Variants in SLC12A1 observed in about 807,000 individuals in gnomAD.
The protein encoded by SLC12A1 is solute carrier family 12 member 1, also known as Na-K-2Cl cotransporter.
In SLC12A1, 89 loss-of-function variants were observed where a neutral mutation model predicts 130.4. The observed-to-expected ratio is 0.68, with a 90% CI of 0.58 to 0.81. The LOEUF is 0.81. Among genes scored for constraint, SLC12A1 ranks in the 40% least tolerant of loss-of-function variants. The probability of loss-of-function intolerance (pLI) is 0.00; values close to 1 mark genes in which losing one functional copy is unlikely to be tolerated. For missense variants in SLC12A1, 1,310 were observed against 1,336.4 expected (o/e 0.98, Z 0.31); for synonymous variants, 499 against 460.0 (o/e 1.08, Z -1.09).
At chr15:48,224,476 C>T (rs1020116741) in intron 4 of SLC12A1, 7 of 152,106 alleles carry the variant, frequency 4.6e-5, no homozygotes, top group African/African-American at 1.7e-4. Context: ...AACAACAGAA[C>T]AATTAAATCG....
chr15:48,262,425 T>G (rs1273578456), intron 17 of SLC12A1, among the ~76,000 whole-genome samples: 1 of 152,218 alleles, frequency 6.6e-6, no homozygotes, highest in Admixed American at 6.5e-5. Flanking sequence ...TTATTTGATT[T>G]GAAATTAATT....
chr15:48,247,258 ATCT>A, intron 12 of SLC12A1, 76 bp from the exon 13 acceptor site: 1 of 1,444,534 alleles, frequency 6.9e-7, no homozygotes, highest in Non-Finnish European at 9.4e-7. Flanking sequence ...CTTTCCCCAA[ATCT>A]TCTTGTTTGA....
intron 25 of SLC12A1, among the ~76,000 whole-genome samples, chr15:48,300,332 A>G (rs1376377634): frequency 6.6e-6 from 1 of 152,056 alleles, no homozygotes; most frequent in Non-Finnish European, 1.5e-5. Flanking sequence ...TTTAAAAAAA[A>G]AAAAAAGAGA....
intron 5 of SLC12A1, chr15:48,226,878 A>G (rs1214093929): frequency 3.4e-6 from 2 of 594,286 alleles, no homozygotes; most frequent in African/African-American, 3.7e-5. Context: ...TTGGAAACTG[A>G]TTCCAGATTT....
At chr15:48,271,927 G>A (rs1464766642) in intron 19 of SLC12A1, among the ~76,000 whole-genome samples, 1 of 152,022 alleles carries the variant, frequency 6.6e-6, no homozygotes, top group Non-Finnish European at 1.5e-5. Context: ...GGAACAAAAG[G>A]GATGGAGGAG....
chr15:48,243,206 TG>T (rs1344378753), intron 10 of SLC12A1, among the ~76,000 whole-genome samples: 2 of 152,058 alleles, frequency 1.3e-5, no homozygotes, highest in Admixed American at 1.3e-4. Flanking sequence ...TCAACATAAA[TG>T]AACAATGCAA....
In SLC12A1 at chr15:48,207,783, C is replaced by T. The variant is rs2140999192; in HGVS notation, c.64C>T (p.Gln22Ter). ...DSVPSNTNRF[Q>*]VSVINENHES... ...AGTGCCCAGTAATACCAATCGCTTT[C>T]AAGTTAGTGTCATAAATGAGAACCA... is the stretch of plus-strand genomic sequence containing the variant. Residue 22 changes from glutamine to a stop codon, truncating the protein, a stop_gained, in exon 2 of 27, where the codon CAA (glutamine) becomes TAA (stop). Coordinates refer to ENST00000380993, the MANE Select transcript of SLC12A1 (RefSeq NM_000338.3). LOFTEE classifies it high-confidence loss of function. 6.2e-7 allele frequency: 1 copy of T among 1,613,056 alleles called. No individual in the cohort carries two copies. Among genetic ancestry groups the T allele is most frequent in the African/African-American group, 1.3e-5 (1 of 75,004 alleles).
chr15:48,276,228 T>C (rs2041951889), intron 20 of SLC12A1, among the ~76,000 whole-genome samples: 2 of 152,058 alleles, frequency 1.3e-5, no homozygotes, highest in African/African-American at 2.4e-5. Flanking sequence ...TCAAACAATC[T>C]CCTCTGGGAA....
At chr15:48,244,992 T>A in intron 11 of SLC12A1, 88 bp downstream of exon 11, 1 of 1,212,810 alleles carries the variant, frequency 8.2e-7, no homozygotes, top group Non-Finnish European at 1.2e-6. Context: ...CTGCAACTGA[T>A]TGATTATTGG....
At chr15:48,282,743 C>A (rs1419315796) in intron 20 of SLC12A1, among the ~76,000 whole-genome samples, 1 of 152,070 alleles carries the variant, frequency 6.6e-6, no homozygotes, top group African/African-American at 2.4e-5. Flanking sequence ...GATGGGCCAT[C>A]ATTTTGGGGG....
chr15:48,236,092 AAC>A (rs56371843), intron 9 of SLC12A1, among the ~76,000 whole-genome samples: 11,224 of 145,766 alleles, frequency 0.077, 973 homozygotes, highest in East Asian at 0.31. Context: ...AGCCATTTCT[AAC>A]ACACACACAC....
At chr15:48,271,336 A>G (rs556885030) in intron 19 of SLC12A1, among the ~76,000 whole-genome samples, 43 of 152,308 alleles carry the variant, frequency 2.8e-4, no homozygotes, top group African/African-American at 9.9e-4. Flanking sequence ...CTGGAAATGG[A>G]AGGTTTCCTG....
Position 48,229,207 on chromosome 15 carries a change from T to C in SLC12A1, c.743T>C (p.Ile248Thr). 6.3e-7 allele frequency: 1 copy of C among 1,589,070 alleles called. No individual in the cohort carries two copies. Among genetic ancestry groups the C allele is most frequent in the Non-Finnish European group, 8.6e-7 (1 of 1,166,658 alleles). Reference protein sequence around the residue: ...FVRGGGAYYLISRSLGPEFGG... With the variant: ...FVRGGGAYYLTSRSLGPEFGG... Reference sequence around the variant, plus strand: ...GTTTCAGGTGGGGCCTACTATCTTATTTCCAGAAGTTTAGGGCCCGAGTTC... The same window carrying C: ...GTTTCAGGTGGGGCCTACTATCTTACTTCCAGAAGTTTAGGGCCCGAGTTC... Residue 248 changes from isoleucine (I) to threonine (T), a missense_variant, in exon 6 of 27, where the codon ATT (isoleucine) becomes ACT (threonine). Transcript: ENST00000380993.
intron 9 of SLC12A1, among the ~76,000 whole-genome samples, chr15:48,238,701 C>T (rs1038762562): frequency 2.6e-5 from 4 of 151,982 alleles, no homozygotes; most frequent in Non-Finnish European, 4.4e-5. Flanking sequence ...ATAATGGATT[C>T]GGTCAGTTTA....
At chr15:48,268,015 T>C (rs2141088158) in intron 18 of SLC12A1, among the ~76,000 whole-genome samples, 1 of 152,308 alleles carries the variant, frequency 6.6e-6, no homozygotes, top group African/African-American at 2.4e-5. Flanking sequence ...AGGATCCTAT[T>C]GAAACTTCAA....
chr15:48,302,973 T>G lies in SLC12A1; in HGVS notation c.*88T>G. ...TACTTTATGTTGTAAATCTGATCTATGGATATGCAAACCTCTGGAGAGGAT... is the reference window on the plus strand; with the variant it reads ...TACTTTATGTTGTAAATCTGATCTAGGGATATGCAAACCTCTGGAGAGGAT... On this transcript the variant is annotated 3_prime_UTR_variant, in exon 27 of 27. Transcript: ENST00000380993. 1 of 1,031,270 alleles carries G rather than the reference T, an allele frequency of 9.7e-7. No homozygotes were observed. The highest frequency in any genetic ancestry group is 1.4e-6 in the Non-Finnish European group (1 of 705,750). The allele number at this position is 1,031,270 out of a possible 1,614,324, so 63.9% of individuals were successfully genotyped here. A position where few individuals can be genotyped will look rare whatever the true frequency, so the allele number is the denominator to read the frequency against.
intron 20 of SLC12A1, 62 bp from the exon 21 acceptor site, chr15:48,285,042 TAA>T: frequency 7.9e-7 from 1 of 1,265,736 alleles, no homozygotes; most frequent in Non-Finnish European, 1.1e-6. Context: ...TAAAAGTTTA[TAA>T]GATTGTTTCT....
chr15:48,255,828 T>G lies in SLC12A1; in HGVS notation c.1960T>G (p.Ser654Ala). 1.2e-6 allele frequency: 2 copies of G among 1,606,760 alleles called. No homozygotes were observed. Among genetic ancestry groups the G allele is most frequent in the Non-Finnish European group, 1.7e-6 (2 of 1,176,146 alleles). ...ATCCACAGATGTGAACTGGGGCTCCTCCACACAGGCTCTTTCCTACGTGAG... is the reference window on the plus strand; with the variant it reads ...ATCCACAGATGTGAACTGGGGCTCCGCCACACAGGCTCTTTCCTACGTGAG... ...CKKPDVNWGS[S>A]TQALSYVSAL... Residue 654 changes from serine (S) to alanine (A), a missense_variant, in exon 16 of 27, where the codon TCC becomes GCC. Coordinates refer to ENST00000380993, the MANE Select transcript of SLC12A1 (RefSeq NM_000338.3).
intron 5 of SLC12A1, chr15:48,227,407 G>T: frequency 1.8e-6 from 1 of 555,036 alleles, no homozygotes; most frequent in Non-Finnish European, 3.2e-6. Flanking sequence ...GAGTGACTAT[G>T]TGTCTAGTAA....
Sources: gnomAD v4.1 joint callset for allele counts (sites outside exome capture counted in the v4.1 genomes callset) on GRCh38, gnomAD v4.1.1 for gene constraint, MANE v1.5 for transcripts, NCBI Gene and HGNC (gene_info 2026-07-23, HGNC 2026-07-21) for gene names.